ABCD3: variants seen among roughly 807,000 people sequenced by gnomAD.
ABCD3 encodes ATP binding cassette subfamily D member 3, also known as ATP-binding cassette sub-family D member 3.
Under a neutral mutation model 105.5 loss-of-function variants are expected in ABCD3, and 41 were observed. The observed-to-expected ratio is 0.39, with a 90% confidence interval of 0.30 to 0.50. The LOEUF (loss-of-function observed/expected upper bound fraction) is 0.50. Among genes scored for constraint, ABCD3 ranks in the 20% least tolerant of loss-of-function variants. The pLI is 0.84. For synonymous variants in ABCD3, 258 were observed against 269.0 expected (o/e 0.96, Z 0.40); for missense variants, 622 against 806.3 (o/e 0.77, Z 2.77).
intron 4 of ABCD3, chr1:94,472,269 T>C (rs1648492058): frequency 1.0e-6 from 1 of 955,890 alleles, no homozygotes; most frequent in Non-Finnish European, 1.2e-6. Flanking sequence ...TGATGGCATG[T>C]TCTTGTGTGT....
At position 94,442,595 on chromosome 1, in the gene ABCD3, T is replaced by C. The variant is rs1434611065; in HGVS notation, c.111-16012T>C. Among the ~76,000 whole-genome samples the C allele has an allele frequency of 2.6e-5, 4 of 152,152 alleles. No homozygotes were observed. The East Asian group carries it at 7.7e-4, about 29-fold the overall frequency. On this transcript the variant is annotated intron_variant, in intron 1 of 22. Coordinates refer to ENST00000370214, the MANE Select transcript of ABCD3 (RefSeq NM_002858.4). The stretch of plus-strand genomic sequence containing the variant: ...CCTGAATAGTGAATGTTCTACCCAA[T>C]AGGTAATTTTGCAACCCTCACCCCG...
chr1:94,450,256 C>G (rs1660527008), intron 1 of ABCD3, among the ~76,000 whole-genome samples: 1 of 152,214 alleles, frequency 6.6e-6, no homozygotes, highest in African/African-American at 2.4e-5. Context: ...CTCACTGTGA[C>G]AAAGCCGCCT....
At chr1:94,439,169 A>C (rs1019225320) in intron 1 of ABCD3, among the ~76,000 whole-genome samples, 1 of 152,070 alleles carries the variant, frequency 6.6e-6, no homozygotes, top group Non-Finnish European at 1.5e-5. Context: ...GTACTTGAAA[A>C]TTTGTCTGGA....
chr1:94,433,617 C>T (rs907195409), intron 1 of ABCD3, among the ~76,000 whole-genome samples: 1 of 150,128 alleles, frequency 6.7e-6, no homozygotes, highest in Non-Finnish European at 1.5e-5. Context: ...GCAGTTGTAA[C>T]ACAATGGTCA....
At position 94,478,505 on chromosome 1, in the gene ABCD3, T is replaced by C. The variant is rs777863117; in HGVS notation, c.684+190T>C. 2.6e-6 allele frequency: 4 copies of C among 1,526,498 alleles called. No individual in the cohort carries two copies. In the African/African-American group the frequency reaches 5.5e-5, roughly 21 times the overall value. The allele number at this position is 1,526,498 out of a possible 1,614,324, so 94.6% of individuals were successfully genotyped here. On this transcript the variant is annotated intron_variant, in intron 8 of 22. Coordinates refer to ENST00000370214, the MANE Select transcript of ABCD3 (RefSeq NM_002858.4). Reference sequence around the variant, plus strand: ...ATTTTAGAAGTACTAATTTTTCTTTTTAATTTTCCTTAAATTAGGTACTTG... The same window carrying C: ...ATTTTAGAAGTACTAATTTTTCTTTCTAATTTTCCTTAAATTAGGTACTTG...
At chr1:94,463,558 T>C (rs1452960139) in intron 2 of ABCD3, among the ~76,000 whole-genome samples, 4 of 152,170 alleles carry the variant, frequency 2.6e-5, no homozygotes, top group Non-Finnish European at 4.4e-5. Flanking sequence ...GCCAGATAAG[T>C]GAGCTGTGAT....
chr1:94,478,737 A>G, intron 8 of ABCD3: 1 of 879,628 alleles, frequency 1.1e-6, no homozygotes, highest in Non-Finnish European at 1.6e-6. Flanking sequence ...ACTTGTACTT[A>G]TTGTTTCAAA....
At chr1:94,417,455 A>G (rs1347872537), upstream of ABCD3, among the ~76,000 whole-genome samples, 1 of 152,244 alleles carries the variant, frequency 6.6e-6, no homozygotes, top group East Asian at 1.9e-4. Context: ...CTGTTACTGT[A>G]TATATGCTAG....
the ABCD3 span, among the ~76,000 whole-genome samples, chr1:94,385,180 A>G: frequency 6.6e-6 from 1 of 152,276 alleles, no homozygotes; most frequent in African/African-American, 2.4e-5. Context: ...ACTTGTTCCC[A>G]GAGTGAAGAA....
At chr1:94,417,978 G>A (rs1419722598), upstream of ABCD3, among the ~76,000 whole-genome samples, 1 of 152,242 alleles carries the variant, frequency 6.6e-6, no homozygotes, top group Non-Finnish European at 1.5e-5. Flanking sequence ...CACGCTCTGT[G>A]ACGGGGCCGT....
chr1:94,508,251 G>C (rs959250833), intron 21 of ABCD3, among the ~76,000 whole-genome samples: 4 of 152,114 alleles, frequency 2.6e-5, no homozygotes, highest in Admixed American at 1.3e-4. Context: ...AATAGGGAAT[G>C]CTTTCCCCAT....
chr1:94,425,126 T>A (rs986514065), intron 1 of ABCD3, among the ~76,000 whole-genome samples: 3 of 152,146 alleles, frequency 2.0e-5, no homozygotes, highest in Non-Finnish European at 4.4e-5. Flanking sequence ...GTAAAGCAAG[T>A]CTCAGAAACT....
At chr1:94,480,358 C>G in intron 8 of ABCD3, 106 bp from the exon 9 acceptor site, 1 of 1,433,622 alleles carries the variant, frequency 7.0e-7, no homozygotes. Context: ...AGGGCAATTT[C>G]TTTCAGTCAT....
chr1:94,449,923 T>C (rs1284665040), intron 1 of ABCD3, among the ~76,000 whole-genome samples: 2 of 152,124 alleles, frequency 1.3e-5, no homozygotes, highest in Non-Finnish European at 2.9e-5. Flanking sequence ...AACATAAGGA[T>C]TTGTGGAAAC....
At chr1:94,405,710 A>G in the ABCD3 span, among the ~76,000 whole-genome samples, 5 of 152,198 alleles carry the variant, frequency 3.3e-5, no homozygotes, top group Non-Finnish European at 5.9e-5. Context: ...CAACGTGTTT[A>G]AAGACCAGCT....
At chr1:94,464,748 T>C (rs1392047384) in intron 2 of ABCD3, 27 bp from the exon 3 acceptor site, 3 of 1,584,158 alleles carry the variant, frequency 1.9e-6, no homozygotes, top group East Asian at 2.2e-5. Flanking sequence ...ATAGCTATCT[T>C]AAAAGGGCTT....
chr1:94,500,853 A>G (rs1453542016), intron 20 of ABCD3, among the ~76,000 whole-genome samples: 1 of 152,158 alleles, frequency 6.6e-6, no homozygotes, highest in Admixed American at 6.6e-5. Context: ...GATAATAGCT[A>G]TATTCAAAAT....
chr1:94,475,888 T>A (rs905531011), intron 7 of ABCD3, 151 bp downstream of exon 7: 7 of 630,960 alleles, frequency 1.1e-5, no homozygotes, highest in Admixed American at 3.4e-5. Flanking sequence ...GTAATAGTTT[T>A]AATTATTTTA....
intron 1 of ABCD3, among the ~76,000 whole-genome samples, chr1:94,433,234 A>G (rs1172537006): frequency 6.7e-6 from 1 of 150,198 alleles, no homozygotes; most frequent in Non-Finnish European, 1.5e-5. Context: ...GGCTCACTGC[A>G]ACCTCTACCT....
Sources: gnomAD v4.1 joint callset for allele counts (sites outside exome capture counted in the v4.1 genomes callset) on GRCh38, gnomAD v4.1.1 for gene constraint, MANE v1.5 for transcripts, NCBI Gene and HGNC (gene_info 2026-07-23, HGNC 2026-07-21) for gene names.